Variants in ATXN1 observed in about 807,000 individuals in gnomAD.
ATXN1 encodes ataxin 1.
A neutral mutation model predicts 56.4 loss-of-function variants in ATXN1; 8 were observed. That is an observed-to-expected ratio of 0.14 (90% confidence interval 0.08 to 0.26). The LOEUF is 0.26. ATXN1 is among the 10% of genes least tolerant of loss of function. The pLI, the probability that ATXN1 is intolerant of heterozygous loss-of-function variation, is 1.00. For missense variants in ATXN1, 987 were observed against 1,106.5 expected, an observed-to-expected ratio of 0.89 and a Z score of 1.53; for synonymous variants, 514 against 494.6, an observed-to-expected ratio of 1.04 and a Z score of -0.52.
At chr6:16,706,493 G>A (rs1204106344) in intron 2 of ATXN1, among the ~76,000 whole-genome samples, 1 of 152,156 alleles carries the variant, frequency 6.6e-6, no homozygotes, top group Non-Finnish European at 1.5e-5. Flanking sequence ...GGGAGGCCGA[G>A]GCAAGTGGAT....
intron 2 of ATXN1, among the ~76,000 whole-genome samples, chr6:16,675,179 T>C (rs1044910339): frequency 6.6e-6 from 1 of 152,196 alleles, no homozygotes; most frequent in Non-Finnish European, 1.5e-5. Flanking sequence ...AATGTGAGCA[T>C]ACACACCCCT....
At chr6:16,520,542 G>T (rs2113694284) in intron 5 of ATXN1, among the ~76,000 whole-genome samples, 1 of 152,202 alleles carries the variant, frequency 6.6e-6, no homozygotes, top group Non-Finnish European at 1.5e-5. Flanking sequence ...TTTACCCAAA[G>T]AATCCTATGA....
intron 3 of ATXN1, among the ~76,000 whole-genome samples, chr6:16,605,864 A>G (rs1385948694): frequency 6.6e-6 from 1 of 152,196 alleles, no homozygotes; most frequent in Admixed American, 6.5e-5. Flanking sequence ...GTAGTGTCTC[A>G]TGCCTATAAT....
At chr6:16,349,114 CCT>C (rs1761512318) in intron 6 of ATXN1, among the ~76,000 whole-genome samples, 1 of 152,218 alleles carries the variant, frequency 6.6e-6, no homozygotes, top group African/African-American at 2.4e-5. Context: ...GTACTCAAGA[CCT>C]ACAATTACTG....
chr6:16,733,098 C>T (rs9477212), intron 2 of ATXN1, among the ~76,000 whole-genome samples: 15,748 of 152,278 alleles, frequency 0.1, 949 homozygotes, highest in African/African-American at 0.18. Flanking sequence ...GTTTTACACC[C>T]ACCATACCAG....
intron 4 of ATXN1, among the ~76,000 whole-genome samples, chr6:16,572,110 T>C (rs903727678): frequency 2.0e-4 from 31 of 152,202 alleles, no homozygotes; most frequent in African/African-American, 7.2e-4. Context: ...CTACATGTTG[T>C]AAAGGTGATG....
rs757036822 is a variant in ATXN1 at position 16,506,137 on chromosome 6, T to C, written c.-299+16490A>G. The stretch of plus-strand genomic sequence containing the variant: ...TGAGTTAAACAGGAATGGAAGATCA[T>C]TGGAAGCCCTGGAAAAATAGAAAAT... On this transcript the variant is annotated intron_variant, in intron 5 of 7. Transcript: ENST00000436367. This position sits in a 1 kb window ranked among gnomAD's most constrained non-coding sequence, Gnocchi z 4.1. Among the ~76,000 whole-genome samples the C allele has an allele frequency of 4.6e-5, 7 of 152,150 alleles. No individual in the cohort carries two copies. Among genetic ancestry groups the C allele is most frequent in the African/African-American group, 9.7e-5 (4 of 41,446 alleles).
intron 3 of ATXN1, 70 bp from the exon 4 acceptor site, chr6:16,585,977 G>A (rs1327011746): frequency 1.3e-5 from 2 of 152,038 alleles, no homozygotes; most frequent in African/African-American, 4.8e-5. Context: ...ATTCGCTGAA[G>A]TCACAGAAAC....
chr6:16,588,574 G>C (rs1323858745), intron 3 of ATXN1, among the ~76,000 whole-genome samples: 2 of 152,168 alleles, frequency 1.3e-5, no homozygotes, highest in Admixed American at 1.3e-4. Flanking sequence ...TGTATAGAAT[G>C]ACCCTCCCTG....
intron 4 of ATXN1, among the ~76,000 whole-genome samples, chr6:16,582,471 C>T (rs1762547393): frequency 6.6e-6 from 1 of 152,200 alleles, no homozygotes; most frequent in Admixed American, 6.5e-5. Context: ...CAGTTTCTCA[C>T]AATTCAAAAG....
intron 4 of ATXN1, among the ~76,000 whole-genome samples, chr6:16,576,796 A>G (rs779047450): frequency 3.4e-4 from 52 of 152,156 alleles, no homozygotes; most frequent in Non-Finnish European, 6.8e-4. Flanking sequence ...AGTAACCCCC[A>G]TGTTAGCATG....
At chr6:16,726,630 C>A (rs1026360905) in intron 2 of ATXN1, among the ~76,000 whole-genome samples, 1 of 151,884 alleles carries the variant, frequency 6.6e-6, no homozygotes. Flanking sequence ...TTTGGGAGGC[C>A]GAGGCGGGTG....
chr6:16,745,946 G>GTA (rs1434364899), intron 2 of ATXN1, among the ~76,000 whole-genome samples: 1 of 150,452 alleles, frequency 6.6e-6, no homozygotes, highest in Non-Finnish European at 1.5e-5. Flanking sequence ...GTGTGTGTGT[G>GTA]TGTGTGTGTG....
At chr6:16,745,084 G>A (rs976642066) in intron 2 of ATXN1, among the ~76,000 whole-genome samples, 3 of 152,138 alleles carry the variant, frequency 2.0e-5, no homozygotes, top group African/African-American at 7.2e-5. Flanking sequence ...TCAAAGGAAT[G>A]AAAACTTTAA....
intron 3 of ATXN1, among the ~76,000 whole-genome samples, chr6:16,614,760 T>C (rs1473881046): frequency 3.3e-5 from 5 of 151,380 alleles, no homozygotes; most frequent in African/African-American, 7.3e-5. Flanking sequence ...CCGTCTCTAC[T>C]AAAAATACAA....
At chr6:16,478,115 A>G (rs1272947982) in intron 6 of ATXN1, among the ~76,000 whole-genome samples, 1 of 152,202 alleles carries the variant, frequency 6.6e-6, no homozygotes, top group East Asian at 1.9e-4. Context: ...ATAAACGCCA[A>G]TGACAGTGAT....
In ATXN1 at chr6:16,301,312, T is replaced by A. The variant is rs1261087759; in HGVS notation, c.*5017A>T. The A allele has an allele frequency of 6.6e-6, 1 of 152,572 alleles. No individual in the cohort carries two copies. The highest frequency in any genetic ancestry group is 2.4e-5 in the African/African-American group (1 of 41,432). The allele number at this position is 152,572 out of a possible 1,614,324, so 9.5% of individuals were successfully genotyped here. On this transcript the variant is annotated 3_prime_UTR_variant, in exon 8 of 8. Coordinates refer to ENST00000436367, the MANE Select transcript of ATXN1 (RefSeq NM_001128164.2). ...CAAGGTATAGTGCTACAAGAAAAGA[T>A]CCTATCATCAGTAAGGTAACGTATT...
rs1043480440 is a variant in ATXN1 at position 16,319,795 on chromosome 6, A to G, written c.1917+6599T>C. ...CAACAGTCTGAGAGAATCAAAACAT[A>G]TAAGATGACCCAGTTGGGGGCACAT... On this transcript the variant is annotated intron_variant, in intron 7 of 7. Coordinates refer to ENST00000436367, the MANE Select transcript of ATXN1 (RefSeq NM_001128164.2). Among the ~76,000 whole-genome samples, 153 of 152,138 alleles carry G rather than the reference A, an allele frequency of 1.0e-3. 11 individuals are homozygous for G. Among genetic ancestry groups the G allele is most frequent in the Non-Finnish European group, 2.9e-5 (2 of 68,020 alleles).
intron 3 of ATXN1, among the ~76,000 whole-genome samples, chr6:16,638,477 A>C (rs1243844712): frequency 1.3e-5 from 2 of 151,544 alleles, no homozygotes; most frequent in African/African-American, 4.9e-5. Flanking sequence ...AACTGCACAA[A>C]ATTATCAACA....
Sources: allele counts gnomAD v4.1 joint callset (sites outside exome capture counted in the v4.1 genomes callset), GRCh38; gene constraint gnomAD v4.1.1; non-coding constraint Gnocchi (gnomAD v3.1); transcripts MANE v1.5; gene names NCBI Gene and HGNC (gene_info 2026-07-23, HGNC 2026-07-21).